The following CTNS variants were observed in gnomAD, a reference collection of about 807,000 sequenced individuals.
CTNS encodes the protein cystinosin, lysosomal cystine transporter.
In CTNS, 27 loss-of-function variants were observed where a neutral mutation model predicts 43.7. That is an observed-to-expected ratio of 0.62 (90% CI 0.46 to 0.85). The LOEUF is 0.85. Among genes scored for constraint, CTNS ranks in the 40% least tolerant of loss-of-function variants. CTNS has a pLI of 0.00. For synonymous variants in CTNS, 187 were observed against 190.6 expected, an observed-to-expected ratio of 0.98 and a Z score of 0.16; for missense variants, 457 against 475.4, an observed-to-expected ratio of 0.96 and a Z score of 0.36.
Position 3,642,113 on chromosome 17 carries a change from GTGTC to G in CTNS, c.61+1849_61+1852del, listed in dbSNP as rs776890304. ...GGCGTGTGTGTGTGTGCCTGGGTGTGTGTCTGCGTGCATGTATGTGTGCCCGGGC... is the reference window on the plus strand; with the variant it reads ...GGCGTGTGTGTGTGTGCCTGGGTGTGTGCGTGCATGTATGTGTGCCCGGGC... On this transcript the variant is annotated intron_variant, in intron 3 of 11. Transcript: ENST00000046640. 1.0e-3 allele frequency among the ~76,000 whole-genome samples: 146 copies of G among 142,022 alleles called. 1 individual carries two copies. The highest frequency in any genetic ancestry group is 2.0e-3 in the Non-Finnish European group (129 of 64,836). 93.2% of individuals were successfully genotyped at this position (142,022 alleles called of 152,430 possible). A position where few individuals can be genotyped will look rare whatever the true frequency, so the allele number is the denominator to read the frequency against.
chr17:3,647,939 G>T (rs989432733), intron 4 of CTNS, among the ~76,000 whole-genome samples: 1 of 152,330 alleles, frequency 6.6e-6, no homozygotes, highest in African/African-American at 2.4e-5. Context: ...GAGTGGCCAC[G>T]TCGGGTGAAT....
At position 3,659,974 on chromosome 17, in the gene CTNS, C is replaced by T. The variant is rs121908128; in HGVS notation, c.969C>T (p.Asn323=). 243 of 1,611,624 alleles carry T rather than the reference C, an allele frequency of 1.5e-4. No homozygotes were observed. The African/African-American group carries it at 2.8e-3, about 18-fold the overall frequency. The part of the protein sequence containing the change: ...LLQMFLQSYN[N]DQWTLIFGDP... ...AGATGTTCCTCCAGTCCTACAACAA[C>T]GGTGAGTCAGCCAGCGGGCTGCTGG... The change falls in exon 11 of 12, where the codon AAC becomes AAT. Residue 323 remains asparagine (N), a splice_region_variant and synonymous_variant. Transcript: ENST00000046640.
intron 9 of CTNS, among the ~76,000 whole-genome samples, chr17:3,657,116 G>C (rs1317724738): frequency 6.6e-6 from 1 of 152,136 alleles, no homozygotes; most frequent in Non-Finnish European, 1.5e-5. Context: ...GGAGGGAGGA[G>C]GGCACAGAAG....
Position 3,649,078 on chromosome 17 carries a change from G to C in CTNS, c.225+147G>C, listed in dbSNP as rs161351. 0.28 allele frequency: 202,801 copies of C among 729,684 alleles called. 30,714 individuals carry two copies. Among genetic ancestry groups the C allele is most frequent in the East Asian group, 0.48 (17,838 of 37,144 alleles). The allele number at this position is 729,684 out of a possible 1,614,324, so 45.2% of individuals were successfully genotyped here. A position where few individuals can be genotyped will look rare whatever the true frequency, so the allele number is the denominator to read the frequency against. On this transcript the variant is annotated intron_variant, in intron 5 of 11. Transcript: ENST00000046640. ...ATTTTGGCTTTGTTGGTGTCTTTTG[G>C]GGATGAGTATCACATGCCATTAGAT...
chr17:3,641,607 G>A (rs1261466478), intron 3 of CTNS, among the ~76,000 whole-genome samples: 1 of 151,520 alleles, frequency 6.6e-6, no homozygotes, highest in Non-Finnish European at 1.5e-5. Flanking sequence ...TGGCCAGGCT[G>A]GTTTTGAGCT....
chr17:3,640,755 T>C (rs1051055056), intron 3 of CTNS, among the ~76,000 whole-genome samples: 2 of 152,178 alleles, frequency 1.3e-5, no homozygotes, highest in African/African-American at 4.8e-5. Context: ...TTTTTAAAAA[T>C]TAGCCATATG....
chr17:3,660,528 A>G lies in CTNS; in HGVS notation c.*159A>G, dbSNP rs1360543581. The stretch of plus-strand genomic sequence containing the variant: ...TGCTCCTGGGGCCAGAGGCCATTCA[A>G]TAGCCTGCCTTCGTCCGGGCCCCTC... On this transcript the variant is annotated 3_prime_UTR_variant, in exon 12 of 12. Coordinates refer to ENST00000046640, the MANE Select transcript of CTNS (RefSeq NM_004937.3). 5.6e-6 allele frequency: 9 copies of G among 1,612,428 alleles called. No homozygotes were observed. Among genetic ancestry groups the G allele is most frequent in the African/African-American group, 1.3e-5 (1 of 74,922 alleles).
intron 3 of CTNS, 21 bp from the exon 4 acceptor site, chr17:3,647,423 C>T (rs1438884949): frequency 6.2e-7 from 1 of 1,609,972 alleles, no homozygotes; most frequent in Non-Finnish European, 8.5e-7. Context: ...TGCCTCATGT[C>T]ATTGATTTGG....
chr17:3,639,837 C>T (rs2150887978), intron 2 of CTNS, among the ~76,000 whole-genome samples: 1 of 152,196 alleles, frequency 6.6e-6, no homozygotes, highest in African/African-American at 2.4e-5. Flanking sequence ...GTTTTAACAA[C>T]TTTTGGAGAA....
At chr17:3,649,230 C>G (rs542612626) in intron 5 of CTNS, among the ~76,000 whole-genome samples, 1 of 152,134 alleles carries the variant, frequency 6.6e-6, no homozygotes, top group African/African-American at 2.4e-5. Context: ...GAGCGGGTCA[C>G]CTGAGGTAGG....
chr17:3,658,990 G>A (rs1014540374), intron 10 of CTNS, among the ~76,000 whole-genome samples: 43 of 152,190 alleles, frequency 2.8e-4, no homozygotes, highest in African/African-American at 9.9e-4. Context: ...TCCGAGGAGG[G>A]GAAGGTTTGG....
chr17:3,660,384 G>A lies in CTNS; in HGVS notation c.*15G>A. On this transcript the variant is annotated 3_prime_UTR_variant, in exon 12 of 12. Transcript: ENST00000046640. The stretch of plus-strand genomic sequence containing the variant: ...AGCTGAACTAGCACCCAGGGACCCA[G>A]TGTACCCAGCCTCTGGCCTCGTGCC... 6.2e-7 allele frequency: 1 copy of A among 1,614,176 alleles called. No homozygotes were observed. Among genetic ancestry groups the A allele is most frequent in the South Asian group, 1.1e-5 (1 of 91,086 alleles).
intron 3 of CTNS, among the ~76,000 whole-genome samples, chr17:3,644,616 C>T (rs1328399629): frequency 2.0e-5 from 3 of 152,192 alleles, no homozygotes; most frequent in African/African-American, 7.2e-5. Context: ...AGGCGCCTGC[C>T]ATCACGCCCA....
chr17:3,650,429 C>A, intron 5 of CTNS: 1 of 1,390,884 alleles, frequency 7.2e-7, no homozygotes, highest in South Asian at 1.4e-5. Context: ...CTGCAGTGAG[C>A]CATGACTGTA....
chr17:3,649,170 C>T (rs1327438956), intron 5 of CTNS, among the ~76,000 whole-genome samples: 3 of 152,148 alleles, frequency 2.0e-5, no homozygotes, highest in Non-Finnish European at 2.9e-5. Context: ...ACGTTCTTAC[C>T]GGGAGTGGTG....
intron 7 of CTNS, chr17:3,655,822 T>G (rs1470432267): frequency 1.2e-5 from 3 of 246,142 alleles, no homozygotes; most frequent in Non-Finnish European, 2.4e-5. Flanking sequence ...GGAGACGCTT[T>G]CTTCCGGGGG....
chr17:3,659,436 C>T (rs890188363), intron 10 of CTNS, among the ~76,000 whole-genome samples: 1 of 152,234 alleles, frequency 6.6e-6, no homozygotes, highest in Non-Finnish European at 1.5e-5. Flanking sequence ...GGATTCCAAA[C>T]CAGAAGTCCC....
intron 2 of CTNS, among the ~76,000 whole-genome samples, chr17:3,638,871 G>T (rs1278888626): frequency 1.3e-5 from 2 of 152,208 alleles, no homozygotes; most frequent in African/African-American, 4.8e-5. Context: ...CAGGGATCCA[G>T]CGCCAAGAGC....
intron 3 of CTNS, among the ~76,000 whole-genome samples, chr17:3,643,574 A>AT (rs1183142889): frequency 2.1e-5 from 3 of 143,052 alleles, no homozygotes; most frequent in South Asian, 2.3e-4. Flanking sequence ...ACAAAAAAAA[A>AT]TTTTTTTTTA....
Sources: allele counts gnomAD v4.1 joint callset (sites outside exome capture counted in the v4.1 genomes callset), GRCh38; gene constraint gnomAD v4.1.1; transcripts MANE v1.5; gene names NCBI Gene and HGNC (gene_info 2026-07-23, HGNC 2026-07-21).